ZNF273: variants seen among roughly 807,000 people sequenced by gnomAD.
ZNF273 encodes the protein zinc finger protein 9.
In ZNF273, 11 loss-of-function variants were observed where a neutral mutation model predicts 14.9. That is an observed-to-expected ratio of 0.74 (90% CI 0.46 to 1.22). The LOEUF is 1.22. ZNF273 is among the 50% of genes most tolerant of loss of function. The pLI is 0.00. For missense variants in ZNF273, 577 were observed against 660.6 expected (o/e 0.87, Z 1.39); for synonymous variants, 199 against 223.9 (o/e 0.89, Z 0.99).
chr7:64,892,441 A>T (rs1178946289), downstream of ZNF273, among the ~76,000 whole-genome samples: 1 of 152,152 alleles, frequency 6.6e-6, no homozygotes, highest in Non-Finnish European at 1.5e-5. Context: ...TGAATCCATG[A>T]CCTTGGATGG....
At chr7:64,889,342 C>G, downstream of ZNF273, 1 of 963,956 alleles carries the variant, frequency 1.0e-6, no homozygotes, top group Non-Finnish European at 1.2e-6. This position sits in a 1 kb window ranked among gnomAD's most constrained non-coding sequence, Gnocchi z 4.2. Flanking sequence ...CCCTCCGCCC[C>G]AACAGCTGGT....
At chr7:64,903,590 C>T (rs1425167813) in intron 1 of ZNF273, among the ~76,000 whole-genome samples, 171 bp downstream of exon 1, 3 of 152,204 alleles carry the variant, frequency 2.0e-5, no homozygotes, top group Non-Finnish European at 4.4e-5. Context: ...AAGATGGCTG[C>T]TGGGCTGGCA....
At chr7:64,921,608 T>A (rs1007902000) in intron 3 of ZNF273, among the ~76,000 whole-genome samples, 3 of 24,094 alleles carry the variant, frequency 1.2e-4, no homozygotes, top group African/African-American at 5.2e-4. Context: ...GCTAATGCTT[T>A]TTTTTTTTTT....
intron 1 of ZNF273, among the ~76,000 whole-genome samples, chr7:64,909,322 T>C (rs1793327941): frequency 6.6e-6 from 1 of 151,574 alleles, no homozygotes; most frequent in African/African-American, 2.4e-5. Context: ...CCACCCAGGC[T>C]CGAGCGACTC....
chr7:64,928,645 T>C lies in ZNF273; in HGVS notation c.1317T>C (p.Phe439=), dbSNP rs190100253. 1,502 of 1,613,544 alleles carry C rather than the reference T, an allele frequency of 9.3e-4. 12 individuals carry two copies. The highest frequency in any genetic ancestry group is 8.3e-4 in the Middle Eastern group (5 of 6,054). The change falls in exon 4 of 4, where the codon TTT becomes TTC. Residue 439 remains phenylalanine (F), a synonymous_variant. Transcript: ENST00000476120. The stretch of plus-strand genomic sequence containing the variant: ...AATGTGAAGAATGTGGAAAAGCCTT[T>C]AGTGTATTCTCAACCCTTACTAAAC... ...PYKCEECGKA[F]SVFSTLTKHK...
chr7:64,913,659 A>G (rs1014712853), intron 1 of ZNF273, among the ~76,000 whole-genome samples: 3 of 152,212 alleles, frequency 2.0e-5, no homozygotes, highest in Non-Finnish European at 4.4e-5. Flanking sequence ...TGTAAGGTAC[A>G]CTTTGCTGTG....
chr7:64,909,677 T>C (rs1048983404), intron 1 of ZNF273, among the ~76,000 whole-genome samples: 2 of 152,206 alleles, frequency 1.3e-5, no homozygotes, highest in Non-Finnish European at 2.9e-5. Flanking sequence ...GGGGGGTATA[T>C]AGAGTATTTT....
chr7:64,879,295 T>C (rs2129027258), intron 2 of ZNF273, among the ~76,000 whole-genome samples: 1 of 152,324 alleles, frequency 6.6e-6, no homozygotes, highest in African/African-American at 2.4e-5. Flanking sequence ...GTTTGCATTT[T>C]GCAGGAAGCT....
intron 1 of ZNF273, among the ~76,000 whole-genome samples, chr7:64,912,523 G>A (rs1168178993): frequency 6.6e-6 from 1 of 151,622 alleles, no homozygotes; most frequent in African/African-American, 2.4e-5. Context: ...ATTCTTTAAA[G>A]TGCACACAGT....
intron 3 of ZNF273, among the ~76,000 whole-genome samples, chr7:64,922,118 C>CTT (rs199922439): frequency 0.014 from 1,998 of 138,286 alleles, 23 homozygotes; most frequent in Non-Finnish European, 0.025. Context: ...ATTCTATTTC[C>CTT]TTTTTTTTTT....
chr7:64,878,478 C>G (rs1791171734), exon 2 of ZNF273: 1 of 152,262 alleles, frequency 6.6e-6, no homozygotes, highest in Non-Finnish European at 1.5e-5. Flanking sequence ...TCATTCTGGT[C>G]GGAGAGGTCC....
downstream of ZNF273, among the ~76,000 whole-genome samples, chr7:64,935,116 T>C (rs1795049487): frequency 6.6e-6 from 1 of 152,194 alleles, no homozygotes. Flanking sequence ...TGCTACTGAC[T>C]CGTGTGTTGA....
At chr7:64,915,049 T>C (rs148807533) in intron 1 of ZNF273, among the ~76,000 whole-genome samples, 2,234 of 152,080 alleles carry the variant, frequency 0.015, 70 homozygotes, top group Admixed American at 0.082. Context: ...TCTTCCCTAT[T>C]AAGTTTATTT....
chr7:64,923,875 A>T (rs1034650303), intron 3 of ZNF273: 1 of 151,842 alleles, frequency 6.6e-6, no homozygotes, highest in African/African-American at 2.4e-5. Context: ...GTAGCTTTGT[A>T]ATATGTTTTA....
At chr7:64,897,172 G>A (rs1481434782) in intron 3 of ZNF273, among the ~76,000 whole-genome samples, 2 of 152,096 alleles carry the variant, frequency 1.3e-5, no homozygotes, top group Non-Finnish European at 2.9e-5. Context: ...TCTTCTCTCA[G>A]TTTTGATTCA....
chr7:64,891,554 CGTT>C, downstream of ZNF273, among the ~76,000 whole-genome samples: 1 of 152,322 alleles, frequency 6.6e-6, no homozygotes, highest in African/African-American at 2.4e-5. Context: ...ACCCAGACAT[CGTT>C]GTGGCCCTGT....
chr7:64,905,584 T>C (rs1342326675), intron 1 of ZNF273, among the ~76,000 whole-genome samples: 1 of 152,020 alleles, frequency 6.6e-6, no homozygotes, highest in African/African-American at 2.4e-5. Context: ...TCTCTTAACA[T>C]TTGTGAAAGA....
chr7:64,917,680 G>A lies in ZNF273; in HGVS notation c.202G>A (p.Asp68Asn). Reference protein sequence around the residue: ...QQNLYRNVMLDNYRNLVFLGI... With the variant: ...QQNLYRNVMLNNYRNLVFLGI... ...GAATTTGTATAGGAATGTGATGTTAGATAACTACAGAAACCTGGTCTTCCT... is the reference window on the plus strand; with the variant it reads ...GAATTTGTATAGGAATGTGATGTTAAATAACTACAGAAACCTGGTCTTCCT... The change falls in exon 2 of 4, where the codon GAT (aspartate) becomes AAT (asparagine). Residue 68 changes from aspartate to asparagine, a missense_variant. Asp to Asn is a conservative substitution (Grantham distance 23, BLOSUM62 1). Coordinates refer to ENST00000476120, the MANE Select transcript of ZNF273 (RefSeq NM_021148.3). 1.3e-6 allele frequency: 2 copies of A among 1,597,232 alleles called. No individual in the cohort carries two copies. Among genetic ancestry groups the A allele is most frequent in the Non-Finnish European group, 1.7e-6 (2 of 1,169,758 alleles).
rs761484843 is a variant in ZNF273, at chr7:64,928,203, G to A, written c.875G>A (p.Cys292Tyr). The change falls in exon 4 of 4, where the codon TGT becomes TAT. Residue 292 changes from cysteine to tyrosine, a missense_variant. By Grantham distance (194) the Cys-to-Tyr change is radical. Transcript: ENST00000476120. ...KIHTEEKPYKCEDCGKVFSVF... is the reference protein window; with the variant it reads ...KIHTEEKPYKYEDCGKVFSVF... ...CATACTGAAGAGAAACCTTACAAATGTGAAGATTGTGGCAAAGTCTTTAGT... is the reference window on the plus strand; with the variant it reads ...CATACTGAAGAGAAACCTTACAAATATGAAGATTGTGGCAAAGTCTTTAGT... The A allele has an allele frequency of 6.2e-7, 1 of 1,613,422 alleles. No homozygotes were observed. Among genetic ancestry groups the A allele is most frequent in the Non-Finnish European group, 8.5e-7 (1 of 1,179,782 alleles).
Sources: allele counts gnomAD v4.1 joint callset (sites outside exome capture counted in the v4.1 genomes callset), GRCh38; gene constraint gnomAD v4.1.1; non-coding constraint Gnocchi (gnomAD v3.1); transcripts MANE v1.5; gene names NCBI Gene and HGNC (gene_info 2026-07-23, HGNC 2026-07-21).